The following PRKAB2 variants were observed in gnomAD, a reference collection of about 807,000 sequenced individuals.
PRKAB2 encodes the protein 5'-AMP-activated protein kinase subunit beta-2.
In PRKAB2, 18 loss-of-function variants were observed where a neutral mutation model predicts 29.8. That is an observed-to-expected ratio of 0.60 (90% CI 0.42 to 0.89). The LOEUF (loss-of-function observed/expected upper bound fraction) is 0.89, where lower values mean the gene tolerates loss of function less well. Among genes scored for constraint, PRKAB2 ranks in the 40% least tolerant of loss-of-function variants. PRKAB2 has a pLI of 0.00. For synonymous variants in PRKAB2, 136 were observed against 125.9 expected, an observed-to-expected ratio of 1.08 and a Z score of -0.54; for missense variants, 270 against 344.3, an observed-to-expected ratio of 0.78 and a Z score of 1.71.
intron 2 of PRKAB2, among the ~76,000 whole-genome samples, chr1:147,171,171 CTT>C (rs1654539363): frequency 6.6e-6 from 1 of 152,228 alleles, no homozygotes; most frequent in Non-Finnish European, 1.5e-5. Flanking sequence ...TCTGTCCTTT[CTT>C]ACAGAGTGAA....
chr1:147,170,178 A>C (rs1406320856), intron 2 of PRKAB2, among the ~76,000 whole-genome samples: 6 of 152,238 alleles, frequency 3.9e-5, no homozygotes, highest in Non-Finnish European at 7.3e-5. Flanking sequence ...AAGAGGCTAC[A>C]TTGAGAACTA....
chr1:147,172,329 A>C, intron 1 of PRKAB2, 100 bp downstream of exon 1: 2 of 783,548 alleles, frequency 2.6e-6, no homozygotes, highest in East Asian at 6.0e-5. Flanking sequence ...ACGCCTGCAA[A>C]TACCCCGGTG....
Position 147,155,992 on chromosome 1 carries a change from C to A in PRKAB2, c.*3573G>T, listed in dbSNP as rs1484500693. The A allele has an allele frequency of 6.6e-6, 1 of 152,098 alleles. No individual in the cohort carries two copies. Among genetic ancestry groups the A allele is most frequent in the African/African-American group, 2.4e-5 (1 of 41,404 alleles). The allele number at this position is 152,098 out of a possible 1,614,324, so 9.4% of individuals were successfully genotyped here. ...ATTGTGATTGGCACTTAAGGAGAGACAAATGCTTAGATCCAAAGAGTTTTG... is the reference window on the plus strand; with the variant it reads ...ATTGTGATTGGCACTTAAGGAGAGAAAAATGCTTAGATCCAAAGAGTTTTG... On this transcript the variant is annotated 3_prime_UTR_variant, in exon 8 of 8. Coordinates refer to ENST00000254101, the MANE Select transcript of PRKAB2 (RefSeq NM_005399.5).
intron 5 of PRKAB2, 129 bp downstream of exon 5, chr1:147,166,369 G>C (rs72706495): frequency 6.8e-5 from 38 of 560,274 alleles, no homozygotes; most frequent in Admixed American, 3.0e-4. Context: ...AAAAATCTCT[G>C]TCTCTCTCTC....
intron 1 of PRKAB2, 59 bp from the exon 2 acceptor site, chr1:147,172,226 C>A: frequency 6.9e-7 from 1 of 1,443,204 alleles, no homozygotes; most frequent in Non-Finnish European, 9.1e-7. Context: ...AGGGGCGCCC[C>A]CCGGCCCCGC....
Position 147,162,515 on chromosome 1 carries a change from C to T in PRKAB2, c.597G>A (p.Glu199=), listed in dbSNP as rs782342529. The change falls in exon 6 of 8, where the codon GAG becomes GAA. Residue 199 remains glutamate, a synonymous_variant. Coordinates refer to ENST00000254101, the MANE Select transcript of PRKAB2 (RefSeq NM_005399.5). Reference sequence around the variant, plus strand: ...GGATGGGTGGGGATTTGAATCTTTCCTCAGATCGAAACGCATACATTTCTT... The same window carrying T: ...GGATGGGTGGGGATTTGAATCTTTCTTCAGATCGAAACGCATACATTTCTT... The part of the protein sequence containing the change: ...YGQEMYAFRS[E]ERFKSPPILP... 4 of 1,612,014 alleles carry T rather than the reference C, an allele frequency of 2.5e-6. No individual in the cohort carries two copies. In the South Asian group the frequency reaches 4.4e-5, roughly 18 times the overall value.
Position 147,171,893 on chromosome 1 carries a change from G to T in PRKAB2, c.156+96C>A, listed in dbSNP as rs1654631157. On this transcript the variant is annotated intron_variant, in intron 2 of 7. Transcript: ENST00000254101. ...CCTTTAATTCAAAAAACCATAGCCC[G>T]GTTCGGCGCGGTAGAAAAGAACCAA... 32 of 1,477,924 alleles carry T rather than the reference G, an allele frequency of 2.2e-5. No individual in the cohort carries two copies. The South Asian group carries it at 3.8e-4, about 18-fold the overall frequency. 91.6% of individuals were successfully genotyped at this position (1,477,924 alleles called of 1,614,324 possible). A position where few individuals can be genotyped will look rare whatever the true frequency, so the allele number is the denominator to read the frequency against.
At chr1:147,169,483 C>G (rs782314619) in intron 2 of PRKAB2, among the ~76,000 whole-genome samples, 1 of 151,916 alleles carries the variant, frequency 6.6e-6, no homozygotes, top group Non-Finnish European at 1.5e-5. Context: ...GATCTGGGAA[C>G]CTATTTTTAA....
intron 6 of PRKAB2, 120 bp downstream of exon 6, chr1:147,162,320 T>A: frequency 1.0e-6 from 1 of 956,838 alleles, no homozygotes; most frequent in Non-Finnish European, 1.5e-6. Flanking sequence ...GTTATTGGTA[T>A]GTGTATGACT....
chr1:147,162,675 G>T, intron 5 of PRKAB2, 102 bp from the exon 6 acceptor site: 1 of 1,232,204 alleles, frequency 8.1e-7, no homozygotes, highest in Non-Finnish European at 1.1e-6. Flanking sequence ...TATGGTAGAA[G>T]TCCTGGATCA....
intron 5 of PRKAB2, 110 bp downstream of exon 5, chr1:147,166,388 C>A (rs587603266): frequency 2.3e-5 from 28 of 1,231,282 alleles, no homozygotes; most frequent in Admixed American, 2.7e-5. Flanking sequence ...TCTCCTCCCC[C>A]CAACCCCCTG....
chr1:147,167,697 G>T, intron 3 of PRKAB2, 70 bp downstream of exon 3: 1 of 1,521,850 alleles, frequency 6.6e-7, no homozygotes, highest in Non-Finnish European at 8.9e-7. Flanking sequence ...GTCCAGCTGG[G>T]TCTCTCTTCT....
At chr1:147,170,345 T>G (rs1215653701) in intron 2 of PRKAB2, among the ~76,000 whole-genome samples, 1 of 152,118 alleles carries the variant, frequency 6.6e-6, no homozygotes, top group Non-Finnish European at 1.5e-5. Context: ...CAACCTGGCT[T>G]TTAATCAGGA....
rs976010017 is a variant in PRKAB2 at position 147,155,637 on chromosome 1, A to G, written c.*3928T>C. The G allele has an allele frequency of 2.0e-5, 3 of 152,586 alleles. No homozygotes were observed. Among genetic ancestry groups the G allele is most frequent in the Admixed American group, 2.0e-4 (3 of 15,266 alleles). The allele number at this position is 152,586 out of a possible 1,614,324, so 9.5% of individuals were successfully genotyped here. A position where few individuals can be genotyped will look rare whatever the true frequency, so the allele number is the denominator to read the frequency against. ...CCCTTGACCATTTAACCTGACACCT[A>G]CAAAATCCATAGTGTTTAGTATTTC... On this transcript the variant is annotated 3_prime_UTR_variant, in exon 8 of 8. Coordinates refer to ENST00000254101, the MANE Select transcript of PRKAB2 (RefSeq NM_005399.5).
rs1257405070 is a variant in PRKAB2 at position 147,162,430 on chromosome 1, G to A, written c.672+10C>T. On this transcript the variant is annotated intron_variant, in intron 6 of 7. Transcript: ENST00000254101. ...CCCCCAGATGCCCCAGTAATACTCA[G>A]GATACTCACAGAAATATTAGTGTCT... The A allele has an allele frequency of 1.2e-6, 2 of 1,609,270 alleles. No homozygotes were observed. Among genetic ancestry groups the A allele is most frequent in the Non-Finnish European group, 1.7e-6 (2 of 1,176,802 alleles).
intron 5 of PRKAB2, among the ~76,000 whole-genome samples, chr1:147,165,065 G>A (rs917122426): frequency 7.2e-5 from 11 of 152,086 alleles, no homozygotes; most frequent in African/African-American, 1.4e-4. Flanking sequence ...TCGCTCTGTC[G>A]CCCAGGCTGG....
intron 5 of PRKAB2, 23 bp downstream of exon 5, chr1:147,166,475 G>C: frequency 6.2e-7 from 1 of 1,609,552 alleles, no homozygotes; most frequent in Non-Finnish European, 8.5e-7. Context: ...CACAGCAAGA[G>C]AGAGTAAATA....
At chr1:147,170,956 A>G (rs913390395) in intron 2 of PRKAB2, among the ~76,000 whole-genome samples, 9 of 152,224 alleles carry the variant, frequency 5.9e-5, no homozygotes, top group African/African-American at 2.2e-4. Flanking sequence ...AATATGGCAA[A>G]CAATACTCTA....
At chr1:147,171,380 A>G (rs987409158) in intron 2 of PRKAB2, among the ~76,000 whole-genome samples, 7 of 152,196 alleles carry the variant, frequency 4.6e-5, no homozygotes, top group African/African-American at 7.2e-5. Context: ...CCACAACTAT[A>G]AAGTATGGGA....
Sources: allele counts gnomAD v4.1 joint callset (sites outside exome capture counted in the v4.1 genomes callset), GRCh38; gene constraint gnomAD v4.1.1; transcripts MANE v1.5; gene names NCBI Gene and HGNC (gene_info 2026-07-23, HGNC 2026-07-21).